Variants in TAB1 observed in about 807,000 individuals in gnomAD.
The protein encoded by TAB1 is TGF-beta activated kinase 1 (MAP3K7) binding protein 1.
A neutral mutation model predicts 54.5 loss-of-function variants in TAB1; 30 were observed. That is an observed-to-expected ratio of 0.55 (90% confidence interval 0.41 to 0.75). The LOEUF (loss-of-function observed/expected upper bound fraction) is 0.75, where lower values mean the gene tolerates loss of function less well. Ranked by LOEUF, TAB1 falls within the 30% of genes least tolerant of loss-of-function variation. The probability of loss-of-function intolerance (pLI) is 0.00; values close to 1 mark genes in which losing one functional copy is unlikely to be tolerated. For synonymous variants in TAB1, 289 were observed against 286.9 expected, an observed-to-expected ratio of 1.01 and a Z score of -0.07; for missense variants, 609 against 683.2, an observed-to-expected ratio of 0.89 and a Z score of 1.21.
chr22:39,409,756 C>T (rs746087122), intron 1 of TAB1, among the ~76,000 whole-genome samples: 1 of 152,170 alleles, frequency 6.6e-6, no homozygotes, highest in African/African-American at 2.4e-5. Context: ...CGCTGTGTCC[C>T]ATTACCATGG....
At chr22:39,409,477 G>A (rs1489433355) in intron 1 of TAB1, among the ~76,000 whole-genome samples, 2 of 152,180 alleles carry the variant, frequency 1.3e-5, no homozygotes, top group Non-Finnish European at 2.9e-5. Context: ...AGGCACATAC[G>A]TGCACACATA....
At chr22:39,429,951 C>T (rs1927511700) in intron 10 of TAB1, 64 bp from the exon 11 acceptor site, 1 of 1,598,396 alleles carries the variant, frequency 6.3e-7, no homozygotes, top group Non-Finnish European at 8.5e-7. Context: ...ATTCTGTCCC[C>T]ACTCTGCCCC....
chr22:39,408,617 C>T (rs1367226172), intron 1 of TAB1, among the ~76,000 whole-genome samples: 1 of 152,190 alleles, frequency 6.6e-6, no homozygotes, highest in East Asian at 1.9e-4. Flanking sequence ...ATTCTTCTGC[C>T]TCAGCCTTCC....
intron 7 of TAB1, among the ~76,000 whole-genome samples, chr22:39,420,784 TG>T: frequency 6.9e-6 from 1 of 144,674 alleles, no homozygotes; most frequent in Non-Finnish European, 1.5e-5. Flanking sequence ...TCTGTGTGTG[TG>T]TGTGTGTGTG....
In TAB1 at chr22:39,425,554, C is replaced by G. The variant is rs927809919; in HGVS notation, c.922-1149C>G. Among the ~76,000 whole-genome samples the G allele has an allele frequency of 2.0e-5, 3 of 150,918 alleles. No homozygotes were observed. In the South Asian group the frequency reaches 6.3e-4, roughly 32 times the overall value. ...AGATTAGGTGCATTAAATGCTTTTTCTTTTCTTTTTTTTTTTTTGAGATGG... is the reference window on the plus strand; with the variant it reads ...AGATTAGGTGCATTAAATGCTTTTTGTTTTCTTTTTTTTTTTTTGAGATGG... On this transcript the variant is annotated intron_variant, in intron 8 of 10. Coordinates refer to ENST00000216160, the MANE Select transcript of TAB1 (RefSeq NM_006116.3).
chr22:39,428,398 G>A (rs948534291), intron 10 of TAB1, among the ~76,000 whole-genome samples: 6 of 152,224 alleles, frequency 3.9e-5, no homozygotes, highest in Non-Finnish European at 8.8e-5. Context: ...CCTACTTCTC[G>A]TATTTTCTTG....
rs1003876562 is a variant in TAB1, at chr22:39,415,968, C to G, written c.324+315C>G. ...TAGAAATGGGGTCATTTAGAGCTAC[C>G]CCTTTCTTTCCTATGTGGTCAGGTG... On this transcript the variant is annotated intron_variant, in intron 3 of 10. Coordinates refer to ENST00000216160, the MANE Select transcript of TAB1 (RefSeq NM_006116.3). This position sits in a 1 kb window ranked among gnomAD's most constrained non-coding sequence, Gnocchi z 4.9. 1.3e-5 allele frequency among the ~76,000 whole-genome samples: 2 copies of G among 152,130 alleles called. No individual in the cohort carries two copies. Among genetic ancestry groups the G allele is most frequent in the Non-Finnish European group, 2.9e-5 (2 of 68,026 alleles).
intron 10 of TAB1, chr22:39,429,129 C>T (rs528187507): frequency 1.4e-5 from 14 of 985,444 alleles, no homozygotes; most frequent in South Asian, 4.7e-5. Context: ...CTCCTTTCAG[C>T]GTCTGAGCCA....
chr22:39,423,207 C>CTCAA (rs1927171413), intron 8 of TAB1, among the ~76,000 whole-genome samples: 1 of 152,150 alleles, frequency 6.6e-6, no homozygotes, highest in African/African-American at 2.4e-5. Context: ...CCAGGTTAAT[C>CTCAA]TCAAACTCCT....
At chr22:39,402,434 A>G (rs1926188273) in intron 1 of TAB1, among the ~76,000 whole-genome samples, 1 of 152,182 alleles carries the variant, frequency 6.6e-6, no homozygotes, top group Admixed American at 6.5e-5. Context: ...GGTCTGGGTC[A>G]GTGGAGGTTT....
At chr22:39,416,974 C>T in intron 4 of TAB1, 97 bp downstream of exon 4, 1 of 1,241,646 alleles carries the variant, frequency 8.1e-7, no homozygotes, top group South Asian at 1.3e-5. Context: ...TGGGCCAGAG[C>T]AACAGGCGTT....
At chr22:39,416,096 T>C (rs914538995) in intron 3 of TAB1, among the ~76,000 whole-genome samples, 1 of 152,328 alleles carries the variant, frequency 6.6e-6, no homozygotes, top group East Asian at 1.9e-4. Context: ...ACCTTTCTGC[T>C]TGCGCTGTTG....
chr22:39,416,745 C>T lies in TAB1; in HGVS notation c.325-46C>T, dbSNP rs367668744. 7 of 1,567,688 alleles carry T rather than the reference C, an allele frequency of 4.5e-6. No homozygotes were observed. In the South Asian group the frequency reaches 7.8e-5, roughly 17 times the overall value. On this transcript the variant is annotated intron_variant, in intron 3 of 10. Transcript: ENST00000216160. ...ATAGAGGACATTTTGGCACCAGTGA[C>T]AGTGGTGTTTTGAACCAGCCTTTGC...
Position 39,430,207 on chromosome 22 carries a change from G to A in TAB1, c.1500G>A (p.Val500=). The A allele has an allele frequency of 6.2e-7, 1 of 1,612,864 alleles. No individual in the cohort carries two copies. The highest frequency in any genetic ancestry group is 8.5e-7 in the Non-Finnish European group (1 of 1,180,042). The change falls in exon 11 of 11, where the codon GTG becomes GTA. Residue 500 remains valine (V), a synonymous_variant. Transcript: ENST00000216160. The part of the protein sequence containing the change: ...LWSVDHGEQS[V]VTAP Reference sequence around the variant, plus strand: ...GCGTGGACCATGGCGAGCAGAGCGTGGTGACAGCACCGTAGGGCAGCCGGA... The same window carrying A: ...GCGTGGACCATGGCGAGCAGAGCGTAGTGACAGCACCGTAGGGCAGCCGGA...
At chr22:39,412,167 G>A (rs1263457942) in intron 1 of TAB1, among the ~76,000 whole-genome samples, 1 of 152,106 alleles carries the variant, frequency 6.6e-6, no homozygotes, top group Non-Finnish European at 1.5e-5. Flanking sequence ...AGCCTCTTGA[G>A]TAGCTGGAAT....
At chr22:39,405,176 G>C (rs1023319787) in intron 1 of TAB1, among the ~76,000 whole-genome samples, 6 of 152,134 alleles carry the variant, frequency 3.9e-5, no homozygotes, top group African/African-American at 1.4e-4. Flanking sequence ...AGTCTGTGTG[G>C]GTACTTTGTG....
rs536084162 is a variant in TAB1, at chr22:39,399,821, A to C, written c.19A>C (p.Ser7Arg). The part of the protein sequence containing the change: MAAQRR[S>R]LLQSEQQPSW... ...CTCCAAGATGGCGGCGCAGAGGAGG[A>C]GCTTGCTGCAGAGTGTGAGGAACAG... Residue 7 changes from serine to arginine, a missense_variant, in exon 1 of 11, where the codon AGC becomes CGC. Transcript: ENST00000216160. The C allele has an allele frequency of 5.3e-5, 84 of 1,597,220 alleles. 1 individual carries two copies. Among genetic ancestry groups the C allele is most frequent in the Middle Eastern group, 5.0e-4 (3 of 6,008 alleles).
intron 3 of TAB1, among the ~76,000 whole-genome samples, chr22:39,416,471 G>A (rs1926838563): frequency 6.6e-6 from 1 of 152,266 alleles, no homozygotes; most frequent in Non-Finnish European, 1.5e-5. Flanking sequence ...GGGGGCCAGA[G>A]GTCACACCAG....
chr22:39,413,206 G>A (rs1296598936), intron 1 of TAB1, among the ~76,000 whole-genome samples: 1 of 151,654 alleles, frequency 6.6e-6, no homozygotes, highest in East Asian at 2.0e-4. Context: ...GAGCCACCGC[G>A]CCCGGCCCAT....
Sources: allele counts gnomAD v4.1 joint callset (sites outside exome capture counted in the v4.1 genomes callset), GRCh38; gene constraint gnomAD v4.1.1; non-coding constraint Gnocchi (gnomAD v3.1); transcripts MANE v1.5; gene names NCBI Gene and HGNC (gene_info 2026-07-23, HGNC 2026-07-21).